The following AGBL4 variants were observed in gnomAD, a reference collection of about 807,000 sequenced individuals.
The protein encoded by AGBL4 is AGBL carboxypeptidase 4.
A neutral mutation model predicts 66.4 loss-of-function variants in AGBL4; 58 were observed. The ratio of observed to expected loss-of-function variants is 0.87; its 90% CI spans 0.71 to 1.09. AGBL4 has a LOEUF of 1.09. Ranked by LOEUF, AGBL4 falls within the 50% of genes least tolerant of loss-of-function variation. The pLI is 0.00. For missense variants in AGBL4, 579 were observed against 631.0 expected (o/e 0.92, Z 0.88); for synonymous variants, 234 against 222.9 (o/e 1.05, Z -0.44).
chr1:49,767,851 A>T (rs1430650739), intron 2 of AGBL4, among the ~76,000 whole-genome samples: 1 of 152,102 alleles, frequency 6.6e-6, no homozygotes, highest in Non-Finnish European at 1.5e-5. Flanking sequence ...ATCATCTATA[A>T]GAAATTGATG....
At chr1:48,764,232 G>A (rs1644417916) in intron 6 of AGBL4, among the ~76,000 whole-genome samples, 1 of 152,234 alleles carries the variant, frequency 6.6e-6, no homozygotes, top group African/African-American at 2.4e-5. Flanking sequence ...TGGCATTTGA[G>A]CTAGACTCCT....
At chr1:48,762,035 C>G (rs958278596) in intron 6 of AGBL4, among the ~76,000 whole-genome samples, 3 of 152,094 alleles carry the variant, frequency 2.0e-5, no homozygotes, top group Non-Finnish European at 4.4e-5. Flanking sequence ...CCCCTTTTTA[C>G]TGGTATCAAA....
intron 6 of AGBL4, among the ~76,000 whole-genome samples, chr1:48,804,142 G>A (rs943387434): frequency 1.1e-4 from 17 of 152,132 alleles, no homozygotes; most frequent in Admixed American, 6.5e-5. Context: ...ACTATCTCTT[G>A]TAACTTTATA....
At chr1:49,730,749 T>C (rs2124711870) in intron 2 of AGBL4, among the ~76,000 whole-genome samples, 1 of 152,086 alleles carries the variant, frequency 6.6e-6, no homozygotes, top group East Asian at 1.9e-4. Flanking sequence ...GCCTGCCAGA[T>C]CAAGTGAGGA....
chr1:48,881,391 C>G (rs1325499972), intron 5 of AGBL4, among the ~76,000 whole-genome samples: 1 of 152,114 alleles, frequency 6.6e-6, no homozygotes, highest in East Asian at 1.9e-4. Context: ...ATAGTGAAAA[C>G]TGACTTTTCA....
chr1:48,723,836 T>A (rs1350198498), intron 6 of AGBL4, among the ~76,000 whole-genome samples: 2 of 152,124 alleles, frequency 1.3e-5, no homozygotes, highest in East Asian at 3.9e-4. Flanking sequence ...GAGAAAACAC[T>A]GTGAAACAGA....
At chr1:48,805,244 T>C (rs1645897484) in intron 6 of AGBL4, among the ~76,000 whole-genome samples, 1 of 152,182 alleles carries the variant, frequency 6.6e-6, no homozygotes. Context: ...GAAGTTTTCT[T>C]AGAAATGACA....
intron 1 of AGBL4, among the ~76,000 whole-genome samples, chr1:49,988,531 T>C (rs1337118091): frequency 6.6e-6 from 1 of 152,182 alleles, no homozygotes; most frequent in Non-Finnish European, 1.5e-5. Context: ...AGTCAACTTT[T>C]TTAAAAAAGA....
chr1:49,362,071 C>A (rs1444993768), intron 3 of AGBL4, among the ~76,000 whole-genome samples: 1 of 152,100 alleles, frequency 6.6e-6, no homozygotes, highest in African/African-American at 2.4e-5. Flanking sequence ...AAAAAATAGT[C>A]AACCTTGATT....
At chr1:49,920,667 G>A (rs1308472138) in intron 1 of AGBL4, among the ~76,000 whole-genome samples, 23 of 152,134 alleles carry the variant, frequency 1.5e-4, no homozygotes, top group Admixed American at 1.5e-3. Flanking sequence ...TTCAACCATT[G>A]TGGAAGACAG....
chr1:49,388,322 T>C (rs1280109808), intron 3 of AGBL4, among the ~76,000 whole-genome samples: 1 of 152,036 alleles, frequency 6.6e-6, no homozygotes, highest in Non-Finnish European at 1.5e-5. Context: ...AGCAGCCAAA[T>C]ACACATAAAT....
At chr1:48,671,357 A>G (rs1646273815) in intron 6 of AGBL4, among the ~76,000 whole-genome samples, 1 of 152,252 alleles carries the variant, frequency 6.6e-6, no homozygotes, top group Non-Finnish European at 1.5e-5. Flanking sequence ...GAAGTCAGAC[A>G]CTGTCCCTGC....
intron 3 of AGBL4, among the ~76,000 whole-genome samples, chr1:49,687,890 C>T (rs535795599): frequency 1.3e-5 from 2 of 152,264 alleles, no homozygotes; most frequent in South Asian, 4.1e-4. Flanking sequence ...ATATCCTCTA[C>T]ATATTGAATA....
chr1:49,324,888 A>T (rs1364970600), intron 3 of AGBL4, among the ~76,000 whole-genome samples: 2 of 152,246 alleles, frequency 1.3e-5, no homozygotes, highest in South Asian at 2.1e-4. Context: ...TGAATGAATG[A>T]GTAAATCAAT....
chr1:49,847,038 A>G (rs551683110), intron 2 of AGBL4, among the ~76,000 whole-genome samples: 6 of 152,240 alleles, frequency 3.9e-5, no homozygotes, highest in African/African-American at 1.4e-4. Flanking sequence ...CACATACTAC[A>G]AGGCTTTATT....
chr1:49,555,663 A>G (rs1247639318), intron 3 of AGBL4, among the ~76,000 whole-genome samples: 2 of 151,108 alleles, frequency 1.3e-5, no homozygotes, highest in Non-Finnish European at 3.0e-5. Context: ...CAGAATCTAC[A>G]AAGAACTCAA....
At chr1:49,071,247 G>C (rs910111941) in intron 4 of AGBL4, among the ~76,000 whole-genome samples, 1 of 151,790 alleles carries the variant, frequency 6.6e-6, no homozygotes, top group Non-Finnish European at 1.5e-5. Context: ...ATCTCCTTCA[G>C]TTCTGTTCTG....
chr1:48,932,898 G>A (rs1388720908), intron 5 of AGBL4, among the ~76,000 whole-genome samples: 2 of 152,034 alleles, frequency 1.3e-5, no homozygotes, highest in African/African-American at 4.8e-5. Flanking sequence ...CTGTAGTCTA[G>A]AGAAACAGGT....
At chr1:49,524,553 C>G (rs978350203) in intron 3 of AGBL4, among the ~76,000 whole-genome samples, 5 of 152,066 alleles carry the variant, frequency 3.3e-5, no homozygotes, top group Non-Finnish European at 7.4e-5. Context: ...CTGGACTGAC[C>G]AGTGCCATAC....
Sources: gnomAD v4.1 joint callset for allele counts (sites outside exome capture counted in the v4.1 genomes callset) on GRCh38, gnomAD v4.1.1 for gene constraint, MANE v1.5 for transcripts, NCBI Gene and HGNC (gene_info 2026-07-23, HGNC 2026-07-21) for gene names.